The following GNG7 variants were observed in gnomAD, a reference collection of about 807,000 sequenced individuals.
The protein encoded by GNG7 is guanine nucleotide-binding protein G(I)/G(S)/G(O) subunit gamma-7.
GNG7 carries 1 observed loss-of-function variant against 4.0 expected under a neutral mutation model. The ratio of observed to expected loss-of-function variants is 0.25; its 90% CI spans 0.09 to 1.18. GNG7 has a LOEUF of 1.18. GNG7 is among the 50% of genes most tolerant of loss of function. The pLI is 0.50. For synonymous variants in GNG7, 34 were observed against 36.9 expected (o/e 0.92, Z 0.29); for missense variants, 86 against 91.9 (o/e 0.94, Z 0.26).
intron 3 of GNG7, among the ~76,000 whole-genome samples, chr19:2,522,957 C>G (rs1163602763): frequency 1.3e-5 from 2 of 151,254 alleles, no homozygotes; most frequent in Non-Finnish European, 2.9e-5. Flanking sequence ...CTCCGCTTCT[C>G]CAGCTCCAGC....
At chr19:2,625,620 T>C (rs1982000916) in intron 2 of GNG7, among the ~76,000 whole-genome samples, 3 of 152,102 alleles carry the variant, frequency 2.0e-5, no homozygotes. Context: ...CCCCTCCCAG[T>C]GTTTCCATGG....
At chr19:2,520,306 G>A (rs779324788) in intron 4 of GNG7, among the ~76,000 whole-genome samples, 2 of 152,242 alleles carry the variant, frequency 1.3e-5, no homozygotes, top group Non-Finnish European at 2.9e-5. Flanking sequence ...CAAGGAGCTG[G>A]ACAGATCAAT....
intron 2 of GNG7, among the ~76,000 whole-genome samples, chr19:2,606,121 G>A (rs943677751): frequency 1.3e-5 from 2 of 152,170 alleles, no homozygotes; most frequent in African/African-American, 4.8e-5. Flanking sequence ...GCTCACGCCC[G>A]TAATCCCAGC....
intron 2 of GNG7, among the ~76,000 whole-genome samples, chr19:2,568,513 G>C (rs1980023815): frequency 6.7e-6 from 1 of 149,618 alleles, no homozygotes; most frequent in South Asian, 2.1e-4. Flanking sequence ...GTCTCTGTGT[G>C]TGCACATACA....
chr19:2,578,256 A>G (rs74791144), intron 2 of GNG7, among the ~76,000 whole-genome samples: 1,721 of 152,220 alleles, frequency 0.011, 44 homozygotes, highest in African/African-American at 0.04. Context: ...GCGTAGGCAG[A>G]GCTGGGACAA....
chr19:2,640,690 G>A (rs1982482356), intron 2 of GNG7, among the ~76,000 whole-genome samples: 1 of 151,606 alleles, frequency 6.6e-6, no homozygotes, highest in Admixed American at 6.6e-5. Context: ...GCAGTGGTGT[G>A]ATCTCGGCTC....
chr19:2,575,484 C>T (rs1221874521), intron 2 of GNG7, among the ~76,000 whole-genome samples: 1 of 151,428 alleles, frequency 6.6e-6, no homozygotes, highest in African/African-American at 2.4e-5. Context: ...CACGCAGGCA[C>T]ATGCAGACAC....
At chr19:2,641,829 T>TC (rs1982516986) in intron 2 of GNG7, 1 of 30,892 alleles carries the variant, frequency 3.2e-5, no homozygotes, top group Non-Finnish European at 7.0e-5. Context: ...ACCTGGCTGG[T>TC]TTTTTTTGTA....
intron 1 of GNG7, among the ~76,000 whole-genome samples, chr19:2,663,800 T>C (rs543553560): frequency 4.4e-4 from 67 of 152,326 alleles, no homozygotes; most frequent in Non-Finnish European, 8.2e-4. Flanking sequence ...ATCCACTGGC[T>C]TTTATCTATT....
Position 2,520,827 on chromosome 19 carries a change from G to A in GNG7, c.-37-102C>T, listed in dbSNP as rs181918274. ...CTCAACCTTCCCGACTCTAGGCACGGCCACTTTGCCTCTGGGTGGGGACCA... is the reference window on the plus strand; with the variant it reads ...CTCAACCTTCCCGACTCTAGGCACGACCACTTTGCCTCTGGGTGGGGACCA... On this transcript the variant is annotated intron_variant, in intron 3 of 4. Coordinates refer to ENST00000382159, the MANE Select transcript of GNG7 (RefSeq NM_052847.3). The A allele has an allele frequency of 6.1e-5, 37 of 602,068 alleles. No homozygotes were observed. The African/African-American group carries it at 6.3e-4, about 10-fold the overall frequency. The allele number at this position is 602,068 out of a possible 1,614,324, so 37.3% of individuals were successfully genotyped here. A position where few individuals can be genotyped will look rare whatever the true frequency, so the allele number is the denominator to read the frequency against.
intron 2 of GNG7, among the ~76,000 whole-genome samples, chr19:2,635,396 C>A (rs749609703): frequency 6.6e-6 from 1 of 152,224 alleles, no homozygotes; most frequent in Non-Finnish European, 1.5e-5. Flanking sequence ...CCCCTGCTCA[C>A]ATCAGACACC....
chr19:2,585,894 G>T (rs1980658110), intron 2 of GNG7, among the ~76,000 whole-genome samples: 1 of 152,092 alleles, frequency 6.6e-6, no homozygotes, highest in South Asian at 2.1e-4. Flanking sequence ...TAGAGACGGG[G>T]TTTCACCATG....
At position 2,634,678 on chromosome 19, in the gene GNG7, C is replaced by T. The variant is rs1555699032; in HGVS notation, c.-78+11546G>A. On this transcript the variant is annotated intron_variant, in intron 2 of 4. Coordinates refer to ENST00000382159, the MANE Select transcript of GNG7 (RefSeq NM_052847.3). This position sits in a 1 kb window ranked among gnomAD's most constrained non-coding sequence, Gnocchi z 5.3. ...GCGTTTTCAGGCTCTGGCTGTATAT[C>T]TTGGCAATTCTTTCAGGGGAACAAC... Among the ~76,000 whole-genome samples the T allele has an allele frequency of 6.6e-6, 1 of 152,144 alleles. No homozygotes were observed. The highest frequency in any genetic ancestry group is 1.5e-5 in the Non-Finnish European group (1 of 68,038).
intron 2 of GNG7, among the ~76,000 whole-genome samples, chr19:2,562,715 A>G (rs1227480941): frequency 6.6e-6 from 1 of 152,012 alleles, no homozygotes; most frequent in Non-Finnish European, 1.5e-5. Context: ...CCCAGCGTAC[A>G]CTGGAATCTT....
chr19:2,575,736 C>CACAGACACAG (rs1491127479), intron 2 of GNG7, among the ~76,000 whole-genome samples: 4,466 of 80,684 alleles, frequency 0.055, 681 homozygotes, highest in African/African-American at 0.17. Context: ...CGCAGGCACA[C>CACAGACACAG]GCACACGCAG....
At chr19:2,519,542 C>T (rs559565236) in intron 4 of GNG7, among the ~76,000 whole-genome samples, 8 of 151,550 alleles carry the variant, frequency 5.3e-5, no homozygotes, top group South Asian at 2.1e-4. Flanking sequence ...CCTCCTGCCT[C>T]GGCCTCCCAA....
At chr19:2,545,307 G>A (rs964468806) in intron 3 of GNG7, among the ~76,000 whole-genome samples, 1 of 152,088 alleles carries the variant, frequency 6.6e-6, no homozygotes, top group Admixed American at 6.6e-5. Context: ...CAATCTGGCC[G>A]CCATGTCTAC....
At chr19:2,607,558 A>G (rs1981425635) in intron 2 of GNG7, among the ~76,000 whole-genome samples, 1 of 75,678 alleles carries the variant, frequency 1.3e-5, no homozygotes, top group Non-Finnish European at 2.7e-5. Flanking sequence ...AAAGACTAAA[A>G]TGGTAAAAAA....
chr19:2,688,646 A>T (rs1297858418), intron 1 of GNG7, among the ~76,000 whole-genome samples: 3 of 152,116 alleles, frequency 2.0e-5, no homozygotes, highest in Admixed American at 1.3e-4. Flanking sequence ...CATGGTCCCA[A>T]CCTGGAAGAA....
Sources: allele counts gnomAD v4.1 joint callset (sites outside exome capture counted in the v4.1 genomes callset), GRCh38; gene constraint gnomAD v4.1.1; non-coding constraint Gnocchi (gnomAD v3.1); transcripts MANE v1.5; gene names NCBI Gene and HGNC (gene_info 2026-07-23, HGNC 2026-07-21).